SGCZ: variants seen among roughly 807,000 people sequenced by gnomAD.
SGCZ encodes zeta-sarcoglycan.
In SGCZ, 40 loss-of-function variants were observed where a neutral mutation model predicts 41.3. The observed-to-expected ratio is 0.97, with a 90% CI of 0.75 to 1.26. The LOEUF (loss-of-function observed/expected upper bound fraction) is 1.26, where lower values mean the gene tolerates loss of function less well. Among genes scored for constraint, SGCZ ranks in the 50% most tolerant of loss-of-function variants. The pLI is 0.00. For synonymous variants in SGCZ, 206 were observed against 137.5 expected, an observed-to-expected ratio of 1.50 and a Z score of -3.49; for missense variants, 552 against 369.8, an observed-to-expected ratio of 1.49 and a Z score of -4.04.
At chr8:14,316,328 GA>G (rs1323459404) in intron 3 of SGCZ, among the ~76,000 whole-genome samples, 1 of 151,920 alleles carries the variant, frequency 6.6e-6, no homozygotes, top group Non-Finnish European at 1.5e-5. Context: ...GCTACCTCAT[GA>G]ACAAGGAAAG....
At chr8:14,267,929 G>A (rs1469854328) in intron 3 of SGCZ, among the ~76,000 whole-genome samples, 4 of 151,726 alleles carry the variant, frequency 2.6e-5, no homozygotes, top group Non-Finnish European at 4.4e-5. Context: ...TCTTACATCA[G>A]TTGCTAGAAA....
intron 1 of SGCZ, among the ~76,000 whole-genome samples, chr8:14,915,160 A>AT (rs575978012): frequency 1.3e-3 from 205 of 152,292 alleles, no homozygotes; most frequent in Non-Finnish European, 2.5e-3. Context: ...TTAAATATAT[A>AT]TAATGTTGGC....
chr8:14,702,862 TAGATAGATA>T (rs1563213147), intron 1 of SGCZ, among the ~76,000 whole-genome samples: 3 of 138,886 alleles, frequency 2.2e-5, no homozygotes, highest in African/African-American at 8.1e-5. Context: ...GATAGATAGA[TAGATAGATA>T]GATAGATAGA....
chr8:15,154,582 G>A (rs1008328228), intron 1 of SGCZ, among the ~76,000 whole-genome samples: 16 of 152,170 alleles, frequency 1.1e-4, no homozygotes, highest in Admixed American at 1.0e-3. Flanking sequence ...ATATCATAGA[G>A]GCAGAAACTT....
chr8:15,204,881 C>G (rs1469815618), intron 1 of SGCZ, among the ~76,000 whole-genome samples: 2 of 152,150 alleles, frequency 1.3e-5, no homozygotes, highest in African/African-American at 2.4e-5. Flanking sequence ...GATTCAGTGC[C>G]AAATCCCTAA....
At chr8:15,171,935 C>T (rs1799842224) in intron 1 of SGCZ, among the ~76,000 whole-genome samples, 1 of 152,086 alleles carries the variant, frequency 6.6e-6, no homozygotes, top group South Asian at 2.1e-4. Context: ...GTCAATTGAA[C>T]AGAGTGCCTT....
At chr8:14,391,593 G>C (rs945359915) in intron 2 of SGCZ, among the ~76,000 whole-genome samples, 2 of 152,038 alleles carry the variant, frequency 1.3e-5, no homozygotes, top group Non-Finnish European at 2.9e-5. Context: ...GCACCAGTTA[G>C]GAAATCAGCC....
chr8:15,072,527 G>A (rs1227961717), intron 1 of SGCZ, among the ~76,000 whole-genome samples: 1 of 152,090 alleles, frequency 6.6e-6, no homozygotes, highest in Non-Finnish European at 1.5e-5. Context: ...AACCTGACCT[G>A]TCCTATAACC....
chr8:14,853,089 T>A (rs1338460493), intron 1 of SGCZ, among the ~76,000 whole-genome samples: 2 of 152,212 alleles, frequency 1.3e-5, no homozygotes, highest in Admixed American at 1.3e-4. Flanking sequence ...TATAGCAGCA[T>A]TCATATTTGA....
At chr8:14,942,287 A>G (rs1360938523) in intron 1 of SGCZ, among the ~76,000 whole-genome samples, 2 of 152,186 alleles carry the variant, frequency 1.3e-5, no homozygotes, top group Non-Finnish European at 2.9e-5. Flanking sequence ...TATAATTTTA[A>G]TCAGAATAAA....
At chr8:14,325,997 A>AGGTACTC (rs1802093931) in intron 2 of SGCZ, among the ~76,000 whole-genome samples, 2 of 148,756 alleles carry the variant, frequency 1.3e-5, no homozygotes, top group Non-Finnish European at 3.0e-5. Context: ...CTGTAGTCCC[A>AGGTACTC]GGTACTCGGA....
At chr8:14,798,928 G>C (rs2246651) in intron 1 of SGCZ, among the ~76,000 whole-genome samples, 2 of 151,804 alleles carry the variant, frequency 1.3e-5, no homozygotes, top group Non-Finnish European at 2.9e-5. Context: ...TTTTACTAGA[G>C]AAAAGTCTCA....
At chr8:14,466,632 C>T (rs7016184) in intron 2 of SGCZ, among the ~76,000 whole-genome samples, 1,718 of 151,680 alleles carry the variant, frequency 0.011, 30 homozygotes, top group African/African-American at 0.039. Context: ...AAATTTTTTT[C>T]ACTTAACCTC....
intron 1 of SGCZ, among the ~76,000 whole-genome samples, chr8:14,637,788 C>T (rs560456620): frequency 6.6e-6 from 1 of 151,862 alleles, no homozygotes; most frequent in East Asian, 1.9e-4. Flanking sequence ...AATATGCATG[C>T]ATGTATCTTT....
At chr8:14,392,691 A>C (rs555966362) in intron 2 of SGCZ, among the ~76,000 whole-genome samples, 1 of 152,174 alleles carries the variant, frequency 6.6e-6, no homozygotes, top group Non-Finnish European at 1.5e-5. Flanking sequence ...TCCATATAAA[A>C]ACAGAACAAT....
chr8:14,195,483 G>C (rs1000687316), intron 4 of SGCZ, among the ~76,000 whole-genome samples: 4 of 151,974 alleles, frequency 2.6e-5, no homozygotes, highest in Admixed American at 2.6e-4. Flanking sequence ...TCAGAAGACA[G>C]AAAAAAATAA....
Position 14,404,090 on chromosome 8 carries a change from G to C in SGCZ, c.235-79886C>G, listed in dbSNP as rs188004105. 1.8e-3 allele frequency among the ~76,000 whole-genome samples: 272 copies of C among 152,240 alleles called. 1 individual carries two copies. The highest frequency in any genetic ancestry group is 6.0e-3 in the African/African-American group (251 of 41,554). ...CACGAAAAGAGAGAATAGACAATAT[G>C]AGATTAGAGAAGGAGGGTGCCAGAG... On this transcript the variant is annotated intron_variant, in intron 2 of 7. Transcript: ENST00000382080.
intron 1 of SGCZ, among the ~76,000 whole-genome samples, chr8:15,075,754 G>C (rs1450295291): frequency 6.6e-6 from 1 of 152,104 alleles, no homozygotes; most frequent in Non-Finnish European, 1.5e-5. Flanking sequence ...ATGCCAAAGA[G>C]ACAAATCCTT....
chr8:14,914,304 T>G (rs1228419431), intron 1 of SGCZ, among the ~76,000 whole-genome samples: 1 of 152,090 alleles, frequency 6.6e-6, no homozygotes, highest in Non-Finnish European at 1.5e-5. Context: ...ATCACCGTCA[T>G]AAATATTTTA....
Sources: allele counts gnomAD v4.1 joint callset (sites outside exome capture counted in the v4.1 genomes callset), GRCh38; gene constraint gnomAD v4.1.1; transcripts MANE v1.5; gene names NCBI Gene and HGNC (gene_info 2026-07-23, HGNC 2026-07-21).